PIAS1: variants seen among roughly 807,000 people sequenced by gnomAD.
PIAS1 encodes the protein protein inhibitor of activated STAT 1, also known as E3 SUMO-protein ligase PIAS1.
PIAS1 carries 6 observed loss-of-function variants against 71.3 expected under a neutral mutation model. The ratio of observed to expected loss-of-function variants is 0.08; its 90% CI spans 0.05 to 0.17. The LOEUF (loss-of-function observed/expected upper bound fraction) is 0.17. Among genes scored for constraint, PIAS1 ranks in the 10% least tolerant of loss-of-function variants. The pLI is 1.00. For missense variants in PIAS1, 555 were observed against 793.6 expected (o/e 0.70, Z 3.61); for synonymous variants, 303 against 292.9 (o/e 1.03, Z -0.35).
At chr15:68,180,560 C>T (rs543205721) in intron 11 of PIAS1, among the ~76,000 whole-genome samples, 1 of 151,500 alleles carries the variant, frequency 6.6e-6, no homozygotes, top group East Asian at 1.9e-4. Flanking sequence ...ATACTGTTCT[C>T]TCTTTAAAAA....
intron 2 of PIAS1, among the ~76,000 whole-genome samples, chr15:68,108,762 C>T (rs1310501370): frequency 6.6e-6 from 1 of 152,060 alleles, no homozygotes; most frequent in Non-Finnish European, 1.5e-5. Context: ...TGGAGTTATC[C>T]TGACTCTTCT....
intron 9 of PIAS1, among the ~76,000 whole-genome samples, 174 bp from the exon 10 acceptor site, chr15:68,175,463 A>G (rs1352119844): frequency 6.6e-6 from 1 of 152,228 alleles, no homozygotes; most frequent in East Asian, 1.9e-4. Flanking sequence ...ATGATTAAAA[A>G]TCTTTGAAAA....
Position 68,129,794 on chromosome 15 carries a change from TACACACACACACAC to T in PIAS1, c.470-12123_470-12110del, listed in dbSNP as rs67860159. Among the ~76,000 whole-genome samples, 241 of 145,092 alleles carry T rather than the reference TACACACACACACAC, an allele frequency of 1.7e-3. 1 individual carries two copies. The highest frequency in any genetic ancestry group is 5.4e-3 in the African/African-American group (212 of 39,126). On this transcript the variant is annotated intron_variant, in intron 2 of 13. Coordinates refer to ENST00000249636, the MANE Select transcript of PIAS1 (RefSeq NM_016166.3). ...AAGCAGATTGCAAAATAATTGTATT[TACACACACACACAC>T]ACACACACACACACACACACACACA...
intron 1 of PIAS1, among the ~76,000 whole-genome samples, chr15:68,063,581 A>C (rs539282139): frequency 1.3e-5 from 2 of 152,340 alleles, no homozygotes; most frequent in East Asian, 3.9e-4. Flanking sequence ...TGGTGATTTT[A>C]ATATATTATC....
rs180747552 is a variant in PIAS1 at position 68,120,204 on chromosome 15, T to C, written c.470-21742T>C. ...TACTTTCAACCAATTTGTGTTCTTA[T>C]ACTTAAAGTGGATTTCTTAAAAACA... On this transcript the variant is annotated intron_variant, in intron 2 of 13. Transcript: ENST00000249636. Among the ~76,000 whole-genome samples, 23 of 151,678 alleles carry C rather than the reference T, an allele frequency of 1.5e-4. No individual in the cohort carries two copies. In the East Asian group the frequency reaches 4.0e-3, roughly 27 times the overall value.
intron 4 of PIAS1, among the ~76,000 whole-genome samples, chr15:68,144,582 T>G (rs2092795045): frequency 6.6e-6 from 1 of 152,142 alleles, no homozygotes; most frequent in Admixed American, 6.6e-5. Context: ...ATCACTGCAT[T>G]GGAATAATTA....
At chr15:68,170,325 A>G (rs750162327) in intron 8 of PIAS1, among the ~76,000 whole-genome samples, 10 of 152,192 alleles carry the variant, frequency 6.6e-5, no homozygotes, top group Non-Finnish European at 1.2e-4. Flanking sequence ...TATTGCTCCT[A>G]GTTTGCAAAA....
rs1033924418 is a variant in PIAS1 at position 68,185,734 on chromosome 15, C to T, written c.1663-1808C>T. Among the ~76,000 whole-genome samples the T allele has an allele frequency of 1.1e-4, 16 of 152,196 alleles. No homozygotes were observed. The highest frequency in any genetic ancestry group is 9.8e-4 in the Admixed American group (15 of 15,298). ...ATCCCAGCACTTTGGGAGGCCAAAG[C>T]GGGTAGATCATGAGGTCAGGAGTTC... On this transcript the variant is annotated intron_variant, in intron 13 of 13. Coordinates refer to ENST00000249636, the MANE Select transcript of PIAS1 (RefSeq NM_016166.3). This position sits in a 1 kb window ranked among gnomAD's most constrained non-coding sequence, Gnocchi z 4.4.
At chr15:68,131,587 C>T (rs2092688243) in intron 2 of PIAS1, among the ~76,000 whole-genome samples, 1 of 152,106 alleles carries the variant, frequency 6.6e-6, no homozygotes, top group African/African-American at 2.4e-5. Context: ...TAAGTGAGAG[C>T]ATGCAGTATT....
chr15:68,075,897 C>G (rs1236423379), intron 1 of PIAS1, among the ~76,000 whole-genome samples: 1 of 151,898 alleles, frequency 6.6e-6, no homozygotes, highest in Non-Finnish European at 1.5e-5. Context: ...CTATTCCTGC[C>G]TCAGCCTCTC....
At position 68,187,872 on chromosome 15, in the gene PIAS1, C is replaced by A. The variant is rs369150797; in HGVS notation, c.*37C>A. ...TGCTGCTCCCATCCCCACCCCAGAT[C>A]GAATGAACTTGGCAGAAAGAAGAGA... On this transcript the variant is annotated 3_prime_UTR_variant, in exon 14 of 14. Coordinates refer to ENST00000249636, the MANE Select transcript of PIAS1 (RefSeq NM_016166.3). The surrounding 1 kb of genome is among the most constrained non-coding windows in gnomAD (Gnocchi z 5.3). 2 of 1,578,862 alleles carry A rather than the reference C, an allele frequency of 1.3e-6. No homozygotes were observed. The highest frequency in any genetic ancestry group is 2.3e-5 in the South Asian group (2 of 88,570).
intron 2 of PIAS1, among the ~76,000 whole-genome samples, chr15:68,134,850 C>T (rs2092712694): frequency 2.0e-5 from 1 of 49,732 alleles, no homozygotes. Context: ...GGGGCTGACC[C>T]CCCCACCGCC....
chr15:68,078,379 G>A (rs2092193354), intron 1 of PIAS1, among the ~76,000 whole-genome samples: 1 of 152,100 alleles, frequency 6.6e-6, no homozygotes, highest in Non-Finnish European at 1.5e-5. Flanking sequence ...TAGCCAGAAG[G>A]TTTATTTCTT....
At chr15:68,147,028 G>A (rs550423078) in intron 6 of PIAS1, among the ~76,000 whole-genome samples, 1 of 152,094 alleles carries the variant, frequency 6.6e-6, no homozygotes, top group Non-Finnish European at 1.5e-5. Context: ...CGTGTTACTT[G>A]ATTTATTGAT....
chr15:68,160,663 C>T (rs1471122423), intron 7 of PIAS1, among the ~76,000 whole-genome samples: 1 of 152,070 alleles, frequency 6.6e-6, no homozygotes, highest in Non-Finnish European at 1.5e-5. Context: ...CATTCAAATG[C>T]TGAAATATAA....
chr15:68,174,547 G>A lies in PIAS1; in HGVS notation c.1169+655G>A, dbSNP rs1308450248. 6.6e-6 allele frequency among the ~76,000 whole-genome samples: 1 copy of A among 152,064 alleles called. No individual in the cohort carries two copies. The highest frequency in any genetic ancestry group is 1.5e-5 in the Non-Finnish European group (1 of 68,008). On this transcript the variant is annotated intron_variant, in intron 9 of 13. Transcript: ENST00000249636. This position sits in a 1 kb window ranked among gnomAD's most constrained non-coding sequence, Gnocchi z 4.0. ...ATCTCCTTGATTTTTTTGGGGATGGGGGGTTAGAGACAGAGTCTTGCCATT... is the reference window on the plus strand; with the variant it reads ...ATCTCCTTGATTTTTTTGGGGATGGAGGGTTAGAGACAGAGTCTTGCCATT...
chr15:68,060,988 C>A (rs2091952651), intron 1 of PIAS1, among the ~76,000 whole-genome samples: 1 of 152,188 alleles, frequency 6.6e-6, no homozygotes, highest in Non-Finnish European at 1.5e-5. Context: ...GGCCCAGGAT[C>A]TGGTTTTAGA....
intron 6 of PIAS1, among the ~76,000 whole-genome samples, chr15:68,147,402 CTG>C (rs887612923): frequency 1.3e-4 from 20 of 152,062 alleles, no homozygotes; most frequent in African/African-American, 4.8e-4. Flanking sequence ...GTATCCGTGT[CTG>C]TTTCTCTATT....
intron 1 of PIAS1, among the ~76,000 whole-genome samples, chr15:68,080,078 T>C (rs2092213733): frequency 6.6e-6 from 1 of 152,160 alleles, no homozygotes; most frequent in African/African-American, 2.4e-5. Flanking sequence ...GTGGTCTGCC[T>C]GTCTCAGCCT....
Sources: gnomAD v4.1 joint callset for allele counts (sites outside exome capture counted in the v4.1 genomes callset) on GRCh38, gnomAD v4.1.1 for gene constraint, Gnocchi (gnomAD v3.1) non-coding constraint, MANE v1.5 for transcripts, NCBI Gene and HGNC (gene_info 2026-07-23, HGNC 2026-07-21) for gene names.